SECISBP2: variants seen among roughly 807,000 people sequenced by gnomAD.
The protein encoded by SECISBP2 is SECIS binding protein 2.
In SECISBP2, 96 loss-of-function variants were observed where a neutral mutation model predicts 98.2. The observed-to-expected ratio is 0.98, with a 90% CI of 0.83 to 1.16. SECISBP2 has a LOEUF of 1.16. Ranked by LOEUF, SECISBP2 falls within the 50% of genes most tolerant of loss-of-function variation. The pLI, the probability that SECISBP2 is intolerant of heterozygous loss-of-function variation, is 0.00. For missense variants in SECISBP2, 1,046 were observed against 1,022.9 expected, an observed-to-expected ratio of 1.02 and a Z score of -0.31; for synonymous variants, 407 against 370.2, an observed-to-expected ratio of 1.10 and a Z score of -1.14.
At chr9:89,352,141 G>A (rs1340248905) in intron 14 of SECISBP2, among the ~76,000 whole-genome samples, 3 of 152,156 alleles carry the variant, frequency 2.0e-5, no homozygotes, top group Non-Finnish European at 1.5e-5. Flanking sequence ...TTGGGTTATT[G>A]TTCTTGTTTT....
chr9:89,334,068 CTCT>C, intron 6 of SECISBP2: 1 of 1,107,224 alleles, frequency 9.0e-7, no homozygotes, highest in South Asian at 2.3e-5. Context: ...GTACTTATGC[CTCT>C]GTTCTAAAAG....
At position 89,346,908 on chromosome 9, in the gene SECISBP2, G is replaced by A. The variant is rs2131925613; in HGVS notation, c.1462G>A (p.Glu488Lys). 6.2e-7 allele frequency: 1 copy of A among 1,614,152 alleles called. No individual in the cohort carries two copies. The change falls in exon 11 of 17, where the codon GAA becomes AAA. Residue 488 changes from glutamate to lysine, a missense_variant. Transcript: ENST00000375807. The stretch of plus-strand genomic sequence containing the variant: ...TGGAGCAGTGCCAGTCCTTTCCAAA[G>A]AATGTGCATCAGGGGAGAGAGGCCG... ...SVGAVPVLSK[E>K]CASGERGRRM...
At chr9:89,340,313 T>G (rs1185223095) in intron 9 of SECISBP2, among the ~76,000 whole-genome samples, 1 of 152,144 alleles carries the variant, frequency 6.6e-6, no homozygotes, top group Non-Finnish European at 1.5e-5. Flanking sequence ...GTCAGTAATG[T>G]CTGACAGAAG....
rs778877147 is a variant in SECISBP2 at position 89,358,014 on chromosome 9, A to G, written c.2284A>G (p.Met762Val). ...YDGAQDQFHK[M>V]VELTVAARQA... ...TGTGCCCAAGGATCAGTTCCACAAGATGGTTGAGCTGACAGTGGCGGCCCG... is the reference window on the plus strand; with the variant it reads ...TGTGCCCAAGGATCAGTTCCACAAGGTGGTTGAGCTGACAGTGGCGGCCCG... The change falls in exon 16 of 17, where the codon ATG becomes GTG. Residue 762 changes from methionine to valine, a missense_variant. Met to Val is a conservative substitution (Grantham distance 21). Coordinates refer to ENST00000375807, the MANE Select transcript of SECISBP2 (RefSeq NM_024077.5). 5.6e-6 allele frequency: 9 copies of G among 1,613,116 alleles called. No individual in the cohort carries two copies. The highest frequency in any genetic ancestry group is 7.6e-6 in the Non-Finnish European group (9 of 1,179,974).
Position 89,328,845 on chromosome 9 carries a change from C to G in SECISBP2, c.760C>G (p.Leu254Val). The G allele has an allele frequency of 6.2e-7, 1 of 1,614,196 alleles. No individual in the cohort carries two copies. The highest frequency in any genetic ancestry group is 8.5e-7 in the Non-Finnish European group (1 of 1,180,008). Residue 254 changes from leucine (L) to valine (V), a missense_variant, in exon 5 of 17, where the codon CTT becomes GTT. Physicochemically the swap from Leu to Val is conservative, Grantham distance 32. Coordinates refer to ENST00000375807, the MANE Select transcript of SECISBP2 (RefSeq NM_024077.5). ...CCACTCTGTCTCTACCGACATTTCT[C>G]TTCTAAGAGAAGTAGTAAAACCAGC... Reference protein sequence around the residue: ...PVHSVSTDISLLREVVKPAAV... With the variant: ...PVHSVSTDISVLREVVKPAAV...
Position 89,354,832 on chromosome 9 carries a change from T to TGA in SECISBP2, c.2114-2572_2114-2571dup, listed in dbSNP as rs533291405. 2.4e-3 allele frequency: 2,339 copies of TGA among 985,202 alleles called. 3 individuals carry two copies. The highest frequency in any genetic ancestry group is 2.7e-3 in the Non-Finnish European group (2,226 of 829,916). 61.0% of individuals were successfully genotyped at this position (985,202 alleles called of 1,614,324 possible). A position where few individuals can be genotyped will look rare whatever the true frequency, so the allele number is the denominator to read the frequency against. ...TGGACACCAGGCAGAGACCCTCCAG[T>TGA]GAGAGAGATGCATCTGATGTTACGG... On this transcript the variant is annotated intron_variant, in intron 14 of 16. Coordinates refer to ENST00000375807, the MANE Select transcript of SECISBP2 (RefSeq NM_024077.5).
intron 14 of SECISBP2, among the ~76,000 whole-genome samples, chr9:89,352,857 C>T (rs1831494474): frequency 6.7e-6 from 1 of 148,810 alleles, no homozygotes. Context: ...TTTTTAATCA[C>T]GTTGCTGCTG....
At chr9:89,331,046 CTGA>C (rs1554718659) in intron 5 of SECISBP2, among the ~76,000 whole-genome samples, 2 of 152,052 alleles carry the variant, frequency 1.3e-5, no homozygotes, top group Non-Finnish European at 2.9e-5. Context: ...AAACTTTTTC[CTGA>C]TGATATTAGT....
intron 7 of SECISBP2, 136 bp downstream of exon 7, chr9:89,334,866 A>G: frequency 1.4e-6 from 1 of 717,314 alleles, no homozygotes; most frequent in Non-Finnish European, 2.5e-6. Context: ...ATGGATGGTG[A>G]TGATGGTTGC....
chr9:89,343,658 A>G (rs1830001181), intron 10 of SECISBP2, among the ~76,000 whole-genome samples: 1 of 152,192 alleles, frequency 6.6e-6, no homozygotes, highest in African/African-American at 2.4e-5. Flanking sequence ...ACGTTCCTAC[A>G]AAGGACGTGG....
intron 15 of SECISBP2, among the ~76,000 whole-genome samples, 180 bp downstream of exon 15, chr9:89,357,745 A>G (rs1464983237): frequency 1.3e-5 from 2 of 152,152 alleles, no homozygotes; most frequent in Admixed American, 6.5e-5. Flanking sequence ...CCTTGACATC[A>G]TGGGTTGTCT....
intron 14 of SECISBP2, chr9:89,356,687 T>C (rs1364650156): frequency 6.5e-6 from 1 of 152,742 alleles, no homozygotes; most frequent in Non-Finnish European, 1.5e-5. Context: ...TAGGCTGGTA[T>C]TGCGTTCTTT....
downstream of SECISBP2, chr9:89,362,321 C>T: frequency 1.9e-6 from 3 of 1,612,282 alleles, no homozygotes; most frequent in South Asian, 2.2e-5. Flanking sequence ...GGGGACCAGG[C>T]CTTCTCCGGG....
intron 10 of SECISBP2, 118 bp from the exon 11 acceptor site, chr9:89,346,764 G>A (rs1029066749): frequency 1.3e-4 from 134 of 1,071,874 alleles, no homozygotes; most frequent in Non-Finnish European, 1.7e-4. Context: ...GACAAGCTGG[G>A]GGTGACTTGG....
intron 8 of SECISBP2, among the ~76,000 whole-genome samples, chr9:89,339,055 T>G (rs1405493233): frequency 6.6e-6 from 1 of 152,242 alleles, no homozygotes; most frequent in Non-Finnish European, 1.5e-5. Context: ...ATGCTTTAAT[T>G]GTTCCATGAT....
At chr9:89,319,077 T>G in intron 1 of SECISBP2, 2 of 1,000,306 alleles carry the variant, frequency 2.0e-6, no homozygotes, top group Non-Finnish European at 1.2e-6. Flanking sequence ...AGTAAATCTC[T>G]TACTACGTCA....
chr9:89,343,968 C>T (rs916641681), intron 10 of SECISBP2, among the ~76,000 whole-genome samples: 2 of 152,190 alleles, frequency 1.3e-5, no homozygotes, highest in African/African-American at 2.4e-5. Flanking sequence ...AGTGTATAAG[C>T]GATTCTTTTT....
chr9:89,345,306 G>A (rs192236745), intron 10 of SECISBP2, among the ~76,000 whole-genome samples: 69 of 152,220 alleles, frequency 4.5e-4, no homozygotes, highest in Non-Finnish European at 9.0e-4. Flanking sequence ...ACCACGCTTT[G>A]AATGACCACG....
chr9:89,348,018 G>C, intron 11 of SECISBP2, 61 bp from the exon 12 acceptor site: 1 of 1,506,672 alleles, frequency 6.6e-7, no homozygotes, highest in Non-Finnish European at 9.1e-7. Flanking sequence ...TTAATTTGCA[G>C]AAGAGCTTAT....
Sources: gnomAD v4.1 joint callset for allele counts (sites outside exome capture counted in the v4.1 genomes callset) on GRCh38, gnomAD v4.1.1 for gene constraint, MANE v1.5 for transcripts, NCBI Gene and HGNC (gene_info 2026-07-23, HGNC 2026-07-21) for gene names.